Variants in DRICH1 observed in about 807,000 individuals in gnomAD.
DRICH1 encodes the protein aspartate rich 1, also known as aspartate-rich protein 1.
Under a neutral mutation model 39.5 loss-of-function variants are expected in DRICH1, and 38 were observed. The ratio of observed to expected loss-of-function variants is 0.96; its 90% CI spans 0.74 to 1.26. The LOEUF (loss-of-function observed/expected upper bound fraction) is 1.26. Ranked by LOEUF, DRICH1 falls within the 50% of genes most tolerant of loss-of-function variation. The pLI is 0.00. For synonymous variants in DRICH1, 84 were observed against 99.5 expected (o/e 0.84, Z 0.93); for missense variants, 279 against 270.4 (o/e 1.03, Z -0.22).
intron 9 of DRICH1, 76 bp downstream of exon 9, chr22:23,614,059 A>G (rs1927200459): frequency 2.0e-6 from 2 of 1,020,990 alleles, no homozygotes; most frequent in South Asian, 1.4e-5. Context: ...CCAGATTTTC[A>G]TATCAAAATT....
intron 7 of DRICH1, 73 bp from the exon 8 acceptor site, chr22:23,616,947 TCTCTTGATGA>T: frequency 1.6e-5 from 25 of 1,549,684 alleles, no homozygotes; most frequent in Non-Finnish European, 2.2e-5. Context: ...GATCTGTTAG[TCTCTTGATGA>T]CTTCACAAAA....
intron 3 of DRICH1, chr22:23,624,355 A>C (rs1224698676): frequency 2.0e-6 from 2 of 984,318 alleles, no homozygotes; most frequent in African/African-American, 3.5e-5. Context: ...GAAATGATCA[A>C]AAACACAGGA....
chr22:23,599,423 G>A, the DRICH1 span, among the ~76,000 whole-genome samples: 3 of 152,168 alleles, frequency 2.0e-5, no homozygotes, highest in Non-Finnish European at 4.4e-5. Flanking sequence ...TCCCATTCAG[G>A]GCCCAGACCT....
At chr22:23,592,274 T>C in the DRICH1 span, among the ~76,000 whole-genome samples, 1 of 151,876 alleles carries the variant, frequency 6.6e-6, no homozygotes, top group African/African-American at 2.4e-5. Flanking sequence ...GCAGAACAAA[T>C]ACAAGGGCAG....
At chr22:23,601,667 G>A in the DRICH1 span, among the ~76,000 whole-genome samples, 1 of 152,174 alleles carries the variant, frequency 6.6e-6, no homozygotes, top group Non-Finnish European at 1.5e-5. Context: ...GCTGTGATCC[G>A]TTACTGTAGC....
intron 11 of DRICH1, 137 bp from the exon 12 acceptor site, chr22:23,608,905 G>C: frequency 1.0e-6 from 1 of 955,058 alleles, no homozygotes; most frequent in Non-Finnish European, 1.7e-6. Context: ...AGAAATTACA[G>C]ATGCGGAAAC....
At chr22:23,620,911 A>G (rs1602343087) in intron 4 of DRICH1, among the ~76,000 whole-genome samples, 1 of 152,234 alleles carries the variant, frequency 6.6e-6, no homozygotes, top group South Asian at 2.1e-4. Context: ...ATGCCTCTGC[A>G]TTACAGTAGA....
At chr22:23,631,560 T>C (rs1054490052) in intron 1 of DRICH1, among the ~76,000 whole-genome samples, 3 of 152,142 alleles carry the variant, frequency 2.0e-5, no homozygotes, top group African/African-American at 4.8e-5. Flanking sequence ...GGCTAGAGAA[T>C]GGGATGGGGA....
At chr22:23,624,649 G>A (rs1460109577) in intron 3 of DRICH1, among the ~76,000 whole-genome samples, 1 of 152,132 alleles carries the variant, frequency 6.6e-6, no homozygotes, top group African/African-American at 2.4e-5. Context: ...GTCAGTGAGA[G>A]GTGCACTCAC....
At chr22:23,629,558 G>A (rs1207367387) in intron 1 of DRICH1, among the ~76,000 whole-genome samples, 2 of 152,184 alleles carry the variant, frequency 1.3e-5, no homozygotes, top group Non-Finnish European at 2.9e-5. Context: ...ATTGTCCTGA[G>A]TTCTGACGTG....
chr22:23,625,673 A>G (rs1273978211), intron 2 of DRICH1, among the ~76,000 whole-genome samples: 2 of 152,168 alleles, frequency 1.3e-5, no homozygotes, highest in East Asian at 3.9e-4. Context: ...AAATGCAGTA[A>G]GACAACCATA....
At chr22:23,586,537 GT>G in the DRICH1 span, among the ~76,000 whole-genome samples, 1 of 151,516 alleles carries the variant, frequency 6.6e-6, no homozygotes. Flanking sequence ...CCCTGATGAG[GT>G]TTTTGTTTGT....
At chr22:23,600,674 TTC>T in the DRICH1 span, among the ~76,000 whole-genome samples, 1 of 146,944 alleles carries the variant, frequency 6.8e-6, no homozygotes, top group Non-Finnish European at 1.5e-5. Flanking sequence ...GCAATTTTTT[TTC>T]TTTTTTTTTT....
At chr22:23,632,429 C>A, upstream of DRICH1, 1 of 258,394 alleles carries the variant, frequency 3.9e-6, no homozygotes, top group Non-Finnish European at 7.5e-6. Context: ...TCCAGCCCCA[C>A]AGCCCCCCCC....
chr22:23,599,257 G>T, the DRICH1 span, among the ~76,000 whole-genome samples: 3 of 152,180 alleles, frequency 2.0e-5, no homozygotes, highest in African/African-American at 7.2e-5. Flanking sequence ...CTTAGGACAC[G>T]TCAGCCTGCT....
At chr22:23,619,752 T>A (rs1255716344) in intron 5 of DRICH1, among the ~76,000 whole-genome samples, 4 of 152,242 alleles carry the variant, frequency 2.6e-5, no homozygotes, top group Admixed American at 2.0e-4. Context: ...TCCCTCCATT[T>A]CCAAGACACT....
chr22:23,630,707 A>T (rs1167934835), intron 1 of DRICH1: 2 of 152,212 alleles, frequency 1.3e-5, no homozygotes, highest in African/African-American at 2.4e-5. Context: ...ACCCTCATGC[A>T]CACAAACCCA....
chr22:23,604,486 G>A (rs1344665898), downstream of DRICH1, among the ~76,000 whole-genome samples: 1 of 152,102 alleles, frequency 6.6e-6, no homozygotes, highest in African/African-American at 2.4e-5. Context: ...GTTCCTCTGG[G>A]ACCTCAGCCC....
chr22:23,585,223 C>T, the DRICH1 span, among the ~76,000 whole-genome samples: 1,921 of 152,194 alleles, frequency 0.013, 30 homozygotes, highest in Non-Finnish European at 0.016. Context: ...CTGCAGCCTC[C>T]AACTCTTAGG....
Sources: gnomAD v4.1 joint callset for allele counts (sites outside exome capture counted in the v4.1 genomes callset) on GRCh38, gnomAD v4.1.1 for gene constraint, MANE v1.5 for transcripts, NCBI Gene and HGNC (gene_info 2026-07-23, HGNC 2026-07-21) for gene names.